Variants in OTUD5 observed in about 807,000 individuals in gnomAD.
OTUD5 encodes OTU deubiquitinase 5.
OTUD5 carries 2 observed loss-of-function variants against 36.3 expected under a neutral mutation model. The observed-to-expected ratio is 0.06, with a 90% CI of 0.02 to 0.17. The LOEUF is 0.17. Ranked by LOEUF, OTUD5 falls within the 10% of genes least tolerant of loss-of-function variation. OTUD5 has a pLI of 1.00. For missense variants in OTUD5, 233 were observed against 512.3 expected (o/e 0.45, Z 5.26); for synonymous variants, 234 against 214.9 (o/e 1.09, Z -0.78).
intron 5 of OTUD5, among the ~76,000 whole-genome samples, chrX:48,933,988 A>C (rs1289442291): frequency 9.0e-6 from 1 of 111,704 alleles, no homozygotes; most frequent in Non-Finnish European, 1.9e-5. Context: ...AACACCTACT[A>C]GGCCCCAGGC....
upstream of OTUD5, chrX:48,957,747 G>A: frequency 1.3e-6 from 1 of 791,778 alleles, no homozygotes; most frequent in Non-Finnish European, 1.5e-6. Context: ...CGGCGGCGGC[G>A]GCGGTGGCGG....
At chrX:48,934,896 T>A (rs1405287401) in intron 3 of OTUD5, 29 bp from the exon 4 acceptor site, 22 of 1,204,741 alleles carry the variant, frequency 1.8e-5, no homozygotes, top group Non-Finnish European at 2.4e-5. Flanking sequence ...GGTTAAGGTC[T>A]GTGTGGAGAA....
chrX:48,944,133 A>G, intron 2 of OTUD5, 57 bp downstream of exon 2: 1 of 853,025 alleles, frequency 1.2e-6, no homozygotes, highest in Non-Finnish European at 1.7e-6. Context: ...ATTCCTGATA[A>G]CTGGGACACA....
intron 1 of OTUD5, among the ~76,000 whole-genome samples, chrX:48,953,633 A>G (rs2064183648): frequency 9.0e-6 from 1 of 111,012 alleles, no homozygotes; most frequent in Non-Finnish European, 1.9e-5. Flanking sequence ...CTCAGTTCAC[A>G]TGCCCCTTCT....
At chrX:48,929,231 C>A (rs1047550937) in intron 5 of OTUD5, among the ~76,000 whole-genome samples, 2 of 105,924 alleles carry the variant, frequency 1.9e-5, no homozygotes, top group Non-Finnish European at 3.9e-5. Context: ...TACTAAAAAT[C>A]AAAAAAATTA....
At chrX:48,956,246 A>C (rs1441118379) in intron 1 of OTUD5, among the ~76,000 whole-genome samples, 4 of 111,628 alleles carry the variant, frequency 3.6e-5, no homozygotes, top group Non-Finnish European at 7.5e-5. Context: ...CAAGGGAATC[A>C]TATCTCCCTG....
intron 5 of OTUD5, among the ~76,000 whole-genome samples, chrX:48,928,780 T>C (rs1359113780): frequency 1.0e-5 from 1 of 99,823 alleles, no homozygotes; most frequent in Non-Finnish European, 2.0e-5. Flanking sequence ...GCTGCAGTGA[T>C]ATTGTGCCAC....
intron 5 of OTUD5, among the ~76,000 whole-genome samples, chrX:48,927,032 T>A (rs1348791779): frequency 2.7e-5 from 3 of 112,419 alleles, no homozygotes; most frequent in Non-Finnish European, 5.6e-5. Flanking sequence ...AATGCATATA[T>A]GCTAAGTAAT....
At chrX:48,924,499 T>C (rs1187685774) in intron 6 of OTUD5, among the ~76,000 whole-genome samples, 1 of 111,627 alleles carries the variant, frequency 9.0e-6, no homozygotes, top group Non-Finnish European at 1.9e-5. Flanking sequence ...AATCCTCCCA[T>C]GGTTTCTGCC....
Position 48,922,649 on chromosome X carries a change from G to GT in OTUD5, c.*524dup. The GT allele has an allele frequency of 2.7e-6, 2 of 753,791 alleles. No individual in the cohort carries two copies. The highest frequency in any genetic ancestry group is 3.1e-6 in the Non-Finnish European group (2 of 638,215). 62.1% of individuals were successfully genotyped at this position (753,791 alleles called of 1,213,427 possible). On this transcript the variant is annotated 3_prime_UTR_variant, in exon 9 of 9. Transcript: ENST00000376488. ...GATTAGTTGATTTTATAAGATAAAA[G>GT]TAATTTTAATAAAGAAAAAATTCAA...
intron 5 of OTUD5, among the ~76,000 whole-genome samples, chrX:48,929,965 G>A: frequency 9.1e-6 from 1 of 109,655 alleles, no homozygotes; most frequent in Non-Finnish European, 1.9e-5. Flanking sequence ...TTAGCCAGGT[G>A]TGGTGGCAGG....
chrX:48,954,302 G>A (rs1451735775), intron 1 of OTUD5, among the ~76,000 whole-genome samples: 3 of 110,909 alleles, frequency 2.7e-5, no homozygotes, highest in African/African-American at 9.8e-5. Context: ...GGGAGGGACT[G>A]CAAGGGGCAT....
In OTUD5 at chrX:48,951,782, G is replaced by A. The variant is rs368618580; in HGVS notation, c.594+5195C>T. Among the ~76,000 whole-genome samples the A allele has an allele frequency of 8.0e-5, 9 of 111,953 alleles. 1 individual carries two copies. The highest frequency in any genetic ancestry group is 7.4e-4 in the South Asian group (2 of 2,715). On this transcript the variant is annotated intron_variant, in intron 1 of 8. Transcript: ENST00000376488. ...AAAACCTCTAAGATTGGCAGGGTGC[G>A]GTGACTCACACCTGTAATCCCAGCA... is the stretch of plus-strand genomic sequence containing the variant.
At chrX:48,948,088 C>G (rs1557052824) in intron 1 of OTUD5, among the ~76,000 whole-genome samples, 2 of 113,011 alleles carry the variant, frequency 1.8e-5, no homozygotes. Context: ...TGGCTCACGC[C>G]TGTAATCCCA....
At chrX:48,945,266 CTTTTTTTTTT>C (rs139382090) in intron 1 of OTUD5, among the ~76,000 whole-genome samples, 1 of 73,272 alleles carries the variant, frequency 1.4e-5, no homozygotes, top group Non-Finnish European at 2.6e-5. Context: ...AAAATCAAGT[CTTTTTTTTTT>C]TTTTTTTTTT....
At chrX:48,932,161 G>GATAATA (rs781824408) in intron 5 of OTUD5, among the ~76,000 whole-genome samples, 1,656 of 88,774 alleles carry the variant, frequency 0.019, 35 homozygotes, top group African/African-American at 0.049. Flanking sequence ...AAAAAAAGAT[G>GATAATA]ATAATAATAA....
Position 48,922,344 on chromosome X carries a change from T to TA in OTUD5, c.*829dup, listed in dbSNP as rs1419902419. 1.3e-5 allele frequency: 2 copies of TA among 148,416 alleles called. No individual in the cohort carries two copies. The highest frequency in any genetic ancestry group is 2.3e-5 in the Non-Finnish European group (2 of 86,243). The allele number at this position is 148,416 out of a possible 1,213,427, so 12.2% of individuals were successfully genotyped here. On this transcript the variant is annotated 3_prime_UTR_variant, in exon 9 of 9. Transcript: ENST00000376488. ...ACACTCAAATCCCGGGTGGCAGCCATAATCCCCAAAGATGACCCCCACCCC... is the reference window on the plus strand; with the variant it reads ...ACACTCAAATCCCGGGTGGCAGCCATAAATCCCCAAAGATGACCCCCACCCC...
chrX:48,946,637 C>T (rs1330078039), intron 1 of OTUD5, among the ~76,000 whole-genome samples: 1 of 112,048 alleles, frequency 8.9e-6, no homozygotes, highest in Non-Finnish European at 1.9e-5. Flanking sequence ...CCTCCTTGCC[C>T]CCAAGCCTGT....
chrX:48,928,004 C>A (rs938202876), intron 5 of OTUD5, among the ~76,000 whole-genome samples: 15 of 112,538 alleles, frequency 1.3e-4, no homozygotes, highest in Admixed American at 1.0e-3. Context: ...ATACAGATGG[C>A]AAATAAGCAT....
Sources: allele counts gnomAD v4.1 joint callset (sites outside exome capture counted in the v4.1 genomes callset), GRCh38; gene constraint gnomAD v4.1.1; transcripts MANE v1.5; gene names NCBI Gene and HGNC (gene_info 2026-07-23, HGNC 2026-07-21).